DPYSL3: variants seen among roughly 807,000 people sequenced by gnomAD.
DPYSL3 encodes the protein dihydropyrimidinase-related protein 3.
DPYSL3 carries 16 observed loss-of-function variants against 66.1 expected under a neutral mutation model. The ratio of observed to expected loss-of-function variants is 0.24; its 90% CI spans 0.16 to 0.37. DPYSL3 has a LOEUF of 0.37. Among genes scored for constraint, DPYSL3 ranks in the 10% least tolerant of loss-of-function variants. The pLI is 1.00. For missense variants in DPYSL3, 738 were observed against 916.2 expected (o/e 0.81, Z 2.51); for synonymous variants, 338 against 345.1 (o/e 0.98, Z 0.23).
intron 1 of DPYSL3, among the ~76,000 whole-genome samples, chr5:147,456,987 ATT>A: frequency 6.6e-6 from 1 of 152,064 alleles, no homozygotes; most frequent in East Asian, 1.9e-4. Flanking sequence ...CACCTGAATT[ATT>A]GTAACCTCCT....
In DPYSL3 at chr5:147,401,685, A is replaced by C; in HGVS notation, c.1165T>G (p.Phe389Val). The C allele has an allele frequency of 1.2e-6, 2 of 1,614,122 alleles. No individual in the cohort carries two copies. Among genetic ancestry groups the C allele is most frequent in the Non-Finnish European group, 8.5e-7 (1 of 1,180,024 alleles). Residue 389 changes from phenylalanine to valine, a missense_variant, in exon 9 of 14, where the codon TTT becomes GTT. Transcript: ENST00000343218. ...SQARKKGNVV[F>V]GEPITASLGI... Reference sequence around the variant, plus strand: ...AGGCTGGCAGTGATGGGCTCACCAAAGACTACATTTCCTAGAAGGGGCAGG... The same window carrying C: ...AGGCTGGCAGTGATGGGCTCACCAACGACTACATTTCCTAGAAGGGGCAGG...
intron 3 of DPYSL3, among the ~76,000 whole-genome samples, chr5:147,417,645 A>G (rs971137092): frequency 6.6e-6 from 1 of 152,218 alleles, no homozygotes; most frequent in Non-Finnish European, 1.5e-5. Flanking sequence ...CCAATTCATC[A>G]GGATTCCTTT....
intron 1 of DPYSL3, among the ~76,000 whole-genome samples, chr5:147,456,294 T>C (rs748931964): frequency 2.6e-5 from 4 of 152,210 alleles, no homozygotes; most frequent in Non-Finnish European, 5.9e-5. Flanking sequence ...TTTTCCACAG[T>C]AGAATGACTC....
intron 11 of DPYSL3, 132 bp downstream of exon 11, chr5:147,398,950 T>A: frequency 1.6e-6 from 2 of 1,259,428 alleles, no homozygotes; most frequent in Non-Finnish European, 1.1e-6. Context: ...CCACTGAGAT[T>A]TAGGGGATGG....
chr5:147,478,790 G>A (rs1753197721), intron 1 of DPYSL3, among the ~76,000 whole-genome samples: 1 of 152,114 alleles, frequency 6.6e-6, no homozygotes, highest in Non-Finnish European at 1.5e-5. Context: ...CTGTCTGTGG[G>A]ACCTTGGGGC....
At chr5:147,413,758 C>T in intron 4 of DPYSL3, 101 bp from the exon 5 acceptor site, 1 of 924,966 alleles carries the variant, frequency 1.1e-6, no homozygotes, top group South Asian at 1.4e-5. Flanking sequence ...CACCCAGCTG[C>T]ATTACCCGGG....
rs1198706018 is a variant in DPYSL3, at chr5:147,390,832, T to C, written c.*3203A>G. On this transcript the variant is annotated 3_prime_UTR_variant, in exon 14 of 14. Coordinates refer to ENST00000343218, the MANE Select transcript of DPYSL3 (RefSeq NM_001197294.2). ...GTTGGTAATTTCATAGTTATTTTAATAACCAGGTTTACATTAACAGTCACG... is the reference window on the plus strand; with the variant it reads ...GTTGGTAATTTCATAGTTATTTTAACAACCAGGTTTACATTAACAGTCACG... 6.6e-6 allele frequency: 1 copy of C among 152,668 alleles called. No individual in the cohort carries two copies. Among genetic ancestry groups the C allele is most frequent in the Non-Finnish European group, 1.5e-5 (1 of 68,044 alleles). The allele number at this position is 152,668 out of a possible 1,614,324, so 9.5% of individuals were successfully genotyped here. A position where few individuals can be genotyped will look rare whatever the true frequency, so the allele number is the denominator to read the frequency against.
intron 1 of DPYSL3, among the ~76,000 whole-genome samples, chr5:147,469,830 A>G (rs1320781463): frequency 6.6e-6 from 1 of 152,194 alleles, no homozygotes; most frequent in African/African-American, 2.4e-5. Flanking sequence ...CTAACTGCAT[A>G]CAGGATGTTT....
At chr5:147,458,542 T>C (rs1752886368) in intron 1 of DPYSL3, among the ~76,000 whole-genome samples, 1 of 152,198 alleles carries the variant, frequency 6.6e-6, no homozygotes, top group African/African-American at 2.4e-5. Flanking sequence ...TTGCTTTCAT[T>C]ACTCTATGGA....
chr5:147,415,012 T>C (rs1278973463), intron 4 of DPYSL3, among the ~76,000 whole-genome samples: 2 of 152,126 alleles, frequency 1.3e-5, no homozygotes, highest in African/African-American at 4.8e-5. Context: ...ATTGTGCATA[T>C]GTGTGCCTGT....
chr5:147,415,849 T>C lies in DPYSL3; in HGVS notation c.680A>G (p.Glu227Gly). The C allele has an allele frequency of 6.2e-7, 1 of 1,613,982 alleles. No homozygotes were observed. The highest frequency in any genetic ancestry group is 1.7e-5 in the Admixed American group (1 of 60,008). ...MIIDHVVPEP[E>G]SSLTEAYEKW... ...CTCATAGGCCTCAGTCAGGCTGGAC[T>C]CAGGCTCAGGCACCACATGGTCAAC... is the stretch of plus-strand genomic sequence containing the variant. The change falls in exon 4 of 14, where the codon GAG (glutamate) becomes GGG (glycine). Residue 227 changes from glutamate to glycine, a missense_variant. By Grantham distance (98) the Glu-to-Gly change is moderately conservative. Coordinates refer to ENST00000343218, the MANE Select transcript of DPYSL3 (RefSeq NM_001197294.2).
chr5:147,425,907 C>T (rs1339505726), intron 1 of DPYSL3, among the ~76,000 whole-genome samples: 1 of 151,980 alleles, frequency 6.6e-6, no homozygotes, highest in Non-Finnish European at 1.5e-5. Context: ...AAACAATTCC[C>T]AGGAGTCTGG....
chr5:147,494,147 C>CA (rs1275845679), intron 1 of DPYSL3, among the ~76,000 whole-genome samples: 1 of 151,822 alleles, frequency 6.6e-6, no homozygotes, highest in Non-Finnish European at 1.5e-5. Context: ...GAAGAAATTA[C>CA]AAAAAAATCA....
chr5:147,493,801 G>T (rs185292178), intron 1 of DPYSL3, among the ~76,000 whole-genome samples: 1 of 152,242 alleles, frequency 6.6e-6, no homozygotes, highest in Non-Finnish European at 1.5e-5. Flanking sequence ...ATATTTAAAA[G>T]AATAAAATCA....
intron 1 of DPYSL3, chr5:147,453,530 C>A (rs1197723539): frequency 1.3e-6 from 2 of 1,524,678 alleles, no homozygotes; most frequent in Non-Finnish European, 1.8e-6. Context: ...AGGGAGGGAG[C>A]AGCGGCGCCC....
chr5:147,482,934 T>G (rs917958635), intron 1 of DPYSL3, among the ~76,000 whole-genome samples: 5 of 152,178 alleles, frequency 3.3e-5, no homozygotes, highest in Non-Finnish European at 7.3e-5. Flanking sequence ...AAGGAGGAAC[T>G]GTCAAACTCT....
At chr5:147,434,879 T>C (rs1425324037) in intron 1 of DPYSL3, among the ~76,000 whole-genome samples, 2 of 152,146 alleles carry the variant, frequency 1.3e-5, no homozygotes, top group African/African-American at 2.4e-5. Flanking sequence ...GTAGAACTAC[T>C]CAACAATGAG....
intron 1 of DPYSL3, among the ~76,000 whole-genome samples, chr5:147,508,465 CATT>C (rs1481469973): frequency 2.0e-5 from 3 of 152,150 alleles, no homozygotes; most frequent in Non-Finnish European, 4.4e-5. Context: ...ATTTTGCGGC[CATT>C]ACCTAGACAA....
At chr5:147,472,596 A>G (rs1263025377) in intron 1 of DPYSL3, 2 of 152,122 alleles carry the variant, frequency 1.3e-5, no homozygotes, top group African/African-American at 4.8e-5. Flanking sequence ...ATCATGTTAC[A>G]AATTTATCCA....
Sources: gnomAD v4.1 joint callset for allele counts (sites outside exome capture counted in the v4.1 genomes callset) on GRCh38, gnomAD v4.1.1 for gene constraint, MANE v1.5 for transcripts, NCBI Gene and HGNC (gene_info 2026-07-23, HGNC 2026-07-21) for gene names.